The following ULK4 variants were observed in gnomAD, a reference collection of about 807,000 sequenced individuals.
ULK4 encodes unc-51 like kinase 4.
ULK4 carries 133 observed loss-of-function variants against 160.6 expected under a neutral mutation model. The ratio of observed to expected loss-of-function variants is 0.83; its 90% CI spans 0.72 to 0.96. ULK4 has a LOEUF of 0.96. Among genes scored for constraint, ULK4 ranks in the 40% least tolerant of loss-of-function variants. ULK4 has a pLI of 0.00. For synonymous variants in ULK4, 534 were observed against 539.8 expected, an observed-to-expected ratio of 0.99 and a Z score of 0.15; for missense variants, 1,580 against 1,499.5, an observed-to-expected ratio of 1.05 and a Z score of -0.89.
chr3:41,458,400 G>C (rs752002409), intron 33 of ULK4, among the ~76,000 whole-genome samples: 2 of 152,116 alleles, frequency 1.3e-5, no homozygotes, highest in African/African-American at 4.8e-5. Context: ...CCACACCATT[G>C]ACAGTTATGC....
intron 18 of ULK4, among the ~76,000 whole-genome samples, chr3:41,825,817 A>C (rs1168603631): frequency 6.6e-6 from 1 of 152,162 alleles, no homozygotes; most frequent in Non-Finnish European, 1.5e-5. Flanking sequence ...AACGCCACAA[A>C]AATGCTTCTC....
intron 34 of ULK4, among the ~76,000 whole-genome samples, chr3:41,441,302 C>T (rs556114432): frequency 6.6e-6 from 1 of 152,090 alleles, no homozygotes; most frequent in South Asian, 2.1e-4. Flanking sequence ...TCTCCCTCCC[C>T]CTAAGTACTG....
chr3:41,441,937 A>C (rs1356725449), intron 34 of ULK4, among the ~76,000 whole-genome samples: 1 of 152,144 alleles, frequency 6.6e-6, no homozygotes, highest in African/African-American at 2.4e-5. Context: ...CTCTGGCAAC[A>C]GTTTTGCTCT....
At chr3:41,735,399 G>T (rs555311152) in intron 22 of ULK4, among the ~76,000 whole-genome samples, 1 of 151,980 alleles carries the variant, frequency 6.6e-6, no homozygotes, top group Non-Finnish European at 1.5e-5. Flanking sequence ...CTTAATTCAG[G>T]CTTCTCCTTA....
chr3:41,917,637 T>C (rs960948996), intron 7 of ULK4, among the ~76,000 whole-genome samples: 6 of 152,140 alleles, frequency 3.9e-5, no homozygotes, highest in Non-Finnish European at 7.3e-5. Context: ...AACCACAATT[T>C]ATATGATTAA....
At chr3:41,950,711 T>C (rs906648760) in intron 2 of ULK4, among the ~76,000 whole-genome samples, 3 of 151,404 alleles carry the variant, frequency 2.0e-5, no homozygotes, top group Admixed American at 6.6e-5. Flanking sequence ...CATTAACAAA[T>C]GTACAATCGA....
intron 35 of ULK4, among the ~76,000 whole-genome samples, chr3:41,312,490 A>G (rs115002295): frequency 0.01 from 1,536 of 152,282 alleles, 15 homozygotes; most frequent in Non-Finnish European, 0.017. Context: ...GTCATAATAA[A>G]AACACTATAC....
At chr3:41,400,460 T>C (rs2082155687) in intron 34 of ULK4, among the ~76,000 whole-genome samples, 1 of 152,208 alleles carries the variant, frequency 6.6e-6, no homozygotes, top group Non-Finnish European at 1.5e-5. Flanking sequence ...TATGGTTTTC[T>C]TCACTCAGCA....
rs541404373 is a variant in ULK4 at position 41,403,428 on chromosome 3, T to C, written c.3493-5164A>G. 4.6e-5 allele frequency among the ~76,000 whole-genome samples: 7 copies of C among 152,348 alleles called. No individual in the cohort carries two copies. The East Asian group carries it at 1.3e-3, about 29-fold the overall frequency. On this transcript the variant is annotated intron_variant, in intron 34 of 36. Transcript: ENST00000301831. ...TTATTATTCTTTAAATGGTTGCAGA[T>C]ATACACTGACATCTCTTGTTTCATC...
At chr3:41,960,162 A>C (rs924697198) in intron 1 of ULK4, among the ~76,000 whole-genome samples, 3 of 151,930 alleles carry the variant, frequency 2.0e-5, no homozygotes, top group Admixed American at 6.6e-5. Flanking sequence ...CCCATCTTGA[A>C]ATTTTGAATT....
chr3:41,447,249 T>G (rs749008677), intron 34 of ULK4, among the ~76,000 whole-genome samples: 9 of 152,124 alleles, frequency 5.9e-5, no homozygotes, highest in Middle Eastern at 3.2e-3. Flanking sequence ...ATTGCCCTAG[T>G]CTTGTTCTTT....
chr3:41,861,850 CTCACTCTG>C, intron 17 of ULK4, among the ~76,000 whole-genome samples: 1 of 152,144 alleles, frequency 6.6e-6, no homozygotes, highest in South Asian at 2.1e-4. Context: ...GAGACAGGGT[CTCACTCTG>C]TCACCCAGGC....
chr3:41,956,110 C>T (rs1700475080), intron 1 of ULK4, among the ~76,000 whole-genome samples: 1 of 152,186 alleles, frequency 6.6e-6, no homozygotes, highest in Non-Finnish European at 1.5e-5. Flanking sequence ...CTTTTCTATG[C>T]AGCAGATGAC....
intron 27 of ULK4, 106 bp downstream of exon 27, chr3:41,704,951 A>C (rs926995188): frequency 1.3e-6 from 1 of 774,896 alleles, no homozygotes; most frequent in Non-Finnish European, 2.0e-6. Flanking sequence ...TGGTTATTTC[A>C]TGTGAGGAAC....
chr3:41,895,147 C>T (rs953858648), intron 16 of ULK4, among the ~76,000 whole-genome samples: 4 of 152,142 alleles, frequency 2.6e-5, no homozygotes, highest in Non-Finnish European at 2.9e-5. Context: ...CAGTGGCTCA[C>T]ACCTGTAATC....
intron 35 of ULK4, among the ~76,000 whole-genome samples, chr3:41,350,982 T>G (rs1275201473): frequency 6.6e-6 from 1 of 152,140 alleles, no homozygotes; most frequent in Non-Finnish European, 1.5e-5. Context: ...ATAAAAGATT[T>G]CTCTCATTCA....
At chr3:41,261,036 G>A (rs183983293) in intron 35 of ULK4, among the ~76,000 whole-genome samples, 74 of 152,300 alleles carry the variant, frequency 4.9e-4, no homozygotes, top group African/African-American at 1.7e-3. Context: ...TTCAAGGGCA[G>A]CGATGAGTCT....
At chr3:41,766,003 G>C (rs2039148822) in intron 21 of ULK4, among the ~76,000 whole-genome samples, 1 of 152,222 alleles carries the variant, frequency 6.6e-6, no homozygotes, top group South Asian at 2.1e-4. Context: ...AGGCGTGGTG[G>C]CTCATGCCTT....
At chr3:41,865,075 C>T (rs1473110038) in intron 17 of ULK4, among the ~76,000 whole-genome samples, 1 of 151,872 alleles carries the variant, frequency 6.6e-6, no homozygotes, top group Non-Finnish European at 1.5e-5. Context: ...AGTTCAAGAC[C>T]AGCCTGGCCA....
Sources: allele counts gnomAD v4.1 joint callset (sites outside exome capture counted in the v4.1 genomes callset), GRCh38; gene constraint gnomAD v4.1.1; transcripts MANE v1.5; gene names NCBI Gene and HGNC (gene_info 2026-07-23, HGNC 2026-07-21).